Variants in CIT observed in about 807,000 individuals in gnomAD.
CIT encodes the protein citron rho-interacting serine/threonine kinase, also known as citron Rho-interacting kinase.
CIT carries 79 observed loss-of-function variants against 272.7 expected under a neutral mutation model. That is an observed-to-expected ratio of 0.29 (90% confidence interval 0.24 to 0.35). The LOEUF is 0.35. Ranked by LOEUF, CIT falls within the 10% of genes least tolerant of loss-of-function variation. The pLI is 1.00. For missense variants in CIT, 1,909 were observed against 2,618.3 expected (o/e 0.73, Z 5.91); for synonymous variants, 948 against 995.6 (o/e 0.95, Z 0.90).
chr12:119,804,031 T>C lies in CIT; in HGVS notation c.1112-642A>G. On this transcript the variant is annotated intron_variant, in intron 9 of 47. Transcript: ENST00000392521. This position sits in a 1 kb window ranked among gnomAD's most constrained non-coding sequence, Gnocchi z 5.3. ...TCATTATGCATCTTCCCCAGCGCAA[T>C]CATGCCCATCAAATCCACTGCAGTT... 1 of 350,498 alleles carries C rather than the reference T, an allele frequency of 2.9e-6. No individual in the cohort carries two copies. The highest frequency in any genetic ancestry group is 1.1e-4 in the South Asian group (1 of 8,740). The allele number at this position is 350,498 out of a possible 1,614,324, so 21.7% of individuals were successfully genotyped here.
rs1962938044 is a variant in CIT at position 119,770,229 on chromosome 12, A to G, written c.2208+556T>C. Among the ~76,000 whole-genome samples, 1 of 152,208 alleles carries G rather than the reference A, an allele frequency of 6.6e-6. No individual in the cohort carries two copies. ...GAATCAGGATGACTACAGACCCTAA[A>G]AAAAGACCTGCTATATCTAAGGAAA... is the stretch of plus-strand genomic sequence containing the variant. On this transcript the variant is annotated intron_variant, in intron 18 of 47. Coordinates refer to ENST00000392521, the MANE Select transcript of CIT (RefSeq NM_001206999.2). This position sits in a 1 kb window ranked among gnomAD's most constrained non-coding sequence, Gnocchi z 4.4.
intron 23 of CIT, among the ~76,000 whole-genome samples, chr12:119,748,757 C>T (rs1326926887): frequency 2.0e-5 from 3 of 152,220 alleles, no homozygotes; most frequent in Non-Finnish European, 4.4e-5. Context: ...GATTATTCAA[C>T]ATTAGTCACT....
intron 10 of CIT, among the ~76,000 whole-genome samples, chr12:119,786,728 A>T (rs886954186): frequency 6.6e-6 from 1 of 152,164 alleles, no homozygotes; most frequent in Non-Finnish European, 1.5e-5. Context: ...GCTCCTGGCA[A>T]TGACAAGGGC....
At chr12:119,803,480 C>A in intron 9 of CIT, 91 bp from the exon 10 acceptor site, 4 of 942,230 alleles carry the variant, frequency 4.2e-6, no homozygotes, top group Non-Finnish European at 6.3e-6. Context: ...CTTACTCCTT[C>A]GGCGCTGGCG....
At chr12:119,873,282 TTTTA>T (rs1950738949) in intron 2 of CIT, among the ~76,000 whole-genome samples, 1 of 151,366 alleles carries the variant, frequency 6.6e-6, no homozygotes, top group Admixed American at 6.6e-5. Flanking sequence ...TTTTTTTTTT[TTTTA>T]ATTTACAGGG....
chr12:119,749,630 G>T (rs924833745), intron 23 of CIT, among the ~76,000 whole-genome samples: 3 of 152,146 alleles, frequency 2.0e-5, no homozygotes, highest in Non-Finnish European at 4.4e-5. Context: ...AGGCACTTCT[G>T]CCATCATTTG....
At chr12:119,738,886 GAA>G (rs34799621) in intron 24 of CIT, among the ~76,000 whole-genome samples, 60 of 121,866 alleles carry the variant, frequency 4.9e-4, no homozygotes, top group African/African-American at 4.6e-4. Flanking sequence ...TCAATCTCCA[GAA>G]AAAAAAAAAA....
At chr12:119,802,606 G>A (rs1006125395) in intron 10 of CIT, among the ~76,000 whole-genome samples, 1 of 151,946 alleles carries the variant, frequency 6.6e-6, no homozygotes, top group African/African-American at 2.4e-5. Context: ...GGCTTTCTCT[G>A]GCTGCCAGCG....
At position 119,728,124 on chromosome 12, in the gene CIT, G is replaced by C. The variant is rs1307177299; in HGVS notation, c.3591+378C>G. On this transcript the variant is annotated intron_variant, in intron 28 of 47. Coordinates refer to ENST00000392521, the MANE Select transcript of CIT (RefSeq NM_001206999.2). The surrounding 1 kb of genome is among the most constrained non-coding windows in gnomAD (Gnocchi z 4.3). ...GGCTGCCAGGAGTTGAGGGTGGGGA[G>C]GGATGAACAGGCAGAGTACAGAGGG... 6.6e-6 allele frequency among the ~76,000 whole-genome samples: 1 copy of C among 152,122 alleles called. No individual in the cohort carries two copies. Among genetic ancestry groups the C allele is most frequent in the Non-Finnish European group, 1.5e-5 (1 of 68,026 alleles).
chr12:119,721,470 G>A, intron 28 of CIT, 21 bp from the exon 29 acceptor site: 1 of 1,594,020 alleles, frequency 6.3e-7, no homozygotes, highest in Non-Finnish European at 8.6e-7. Context: ...GAAGGGCCAG[G>A]GAAATGCTTG....
chr12:119,772,120 G>C (rs1963224096), intron 17 of CIT, among the ~76,000 whole-genome samples: 1 of 152,034 alleles, frequency 6.6e-6, no homozygotes, highest in African/African-American at 2.4e-5. Context: ...AAAAGACCCA[G>C]CAATAGGAGG....
intron 23 of CIT, among the ~76,000 whole-genome samples, chr12:119,749,304 T>C (rs1057240032): frequency 2.0e-5 from 3 of 152,240 alleles, no homozygotes; most frequent in African/African-American, 7.2e-5. Flanking sequence ...ACAAATCTCC[T>C]AGGCGATCAT....
At chr12:119,867,093 G>C (rs1950537313) in intron 3 of CIT, among the ~76,000 whole-genome samples, 1 of 152,136 alleles carries the variant, frequency 6.6e-6, no homozygotes, top group African/African-American at 2.4e-5. Context: ...TCCAGCCCAG[G>C]AGAGCCCCAG....
At chr12:119,700,018 T>A (rs1432948172) in intron 44 of CIT, 4 of 425,162 alleles carry the variant, frequency 9.4e-6, no homozygotes, top group Non-Finnish European at 1.9e-5. Flanking sequence ...AGTACAAGGA[T>A]GTTCATCGTA....
intron 5 of CIT, 26 bp from the exon 6 acceptor site, chr12:119,834,254 T>C (rs1462544093): frequency 1.3e-6 from 2 of 1,561,602 alleles, no homozygotes; most frequent in Admixed American, 4.1e-5. Context: ...AAGTTATTAA[T>C]TCTTCACACA....
intron 2 of CIT, among the ~76,000 whole-genome samples, chr12:119,875,107 T>C (rs1950804288): frequency 6.6e-6 from 1 of 152,102 alleles, no homozygotes; most frequent in Non-Finnish European, 1.5e-5. Flanking sequence ...ATTCGAGACC[T>C]GCCTGGGCAA....
At position 119,770,222 on chromosome 12, in the gene CIT, AC is replaced by A; in HGVS notation, c.2208+562del. ...TGAGACAGAATCAGGATGACTACAG[AC>A]CCTAAAAAAAGACCTGCTATATCTA... On this transcript the variant is annotated intron_variant, in intron 18 of 47. Coordinates refer to ENST00000392521, the MANE Select transcript of CIT (RefSeq NM_001206999.2). This position sits in a 1 kb window ranked among gnomAD's most constrained non-coding sequence, Gnocchi z 4.4. Among the ~76,000 whole-genome samples the A allele has an allele frequency of 1.3e-5, 2 of 152,220 alleles. No homozygotes were observed. Among genetic ancestry groups the A allele is most frequent in the Admixed American group, 1.3e-4 (2 of 15,288 alleles).
chr12:119,705,956 G>A (rs114001488), intron 40 of CIT, among the ~76,000 whole-genome samples: 2,018 of 151,414 alleles, frequency 0.013, 47 homozygotes, highest in African/African-American at 0.047. Flanking sequence ...CTGCTGTGAT[G>A]GTGCGTGCCT....
chr12:119,689,804 A>G (rs977075273), intron 47 of CIT, among the ~76,000 whole-genome samples: 1 of 149,968 alleles, frequency 6.7e-6, no homozygotes, highest in Non-Finnish European at 1.5e-5. Flanking sequence ...CAGCCTCCCA[A>G]GTAGCTGGGA....
Sources: gnomAD v4.1 joint callset for allele counts (sites outside exome capture counted in the v4.1 genomes callset) on GRCh38, gnomAD v4.1.1 for gene constraint, Gnocchi (gnomAD v3.1) non-coding constraint, MANE v1.5 for transcripts, NCBI Gene and HGNC (gene_info 2026-07-23, HGNC 2026-07-21) for gene names.